Variants in LARS2 observed in about 807,000 individuals in gnomAD.
LARS2 encodes leucine--tRNA ligase, mitochondrial.
LARS2 carries 81 observed loss-of-function variants against 116.6 expected under a neutral mutation model. That is an observed-to-expected ratio of 0.69 (90% CI 0.58 to 0.84). LARS2 has a LOEUF of 0.84. Ranked by LOEUF, LARS2 falls within the 40% of genes least tolerant of loss-of-function variation. The probability of loss-of-function intolerance (pLI) is 0.00; values close to 1 mark genes in which losing one functional copy is unlikely to be tolerated. For missense variants in LARS2, 968 were observed against 1,114.5 expected (o/e 0.87, Z 1.87); for synonymous variants, 396 against 407.2 (o/e 0.97, Z 0.33).
At chr3:45,494,014 A>C (rs1247742620) in intron 13 of LARS2, among the ~76,000 whole-genome samples, 2 of 152,172 alleles carry the variant, frequency 1.3e-5, no homozygotes, top group African/African-American at 4.8e-5. Flanking sequence ...TTGCTCTCCA[A>C]ATAAAAAGAC....
chr3:45,507,215 A>G (rs936015563), intron 15 of LARS2, among the ~76,000 whole-genome samples: 1 of 151,826 alleles, frequency 6.6e-6, no homozygotes, highest in Non-Finnish European at 1.5e-5. Flanking sequence ...TGGGCAACAC[A>G]GCAAGACCCC....
At chr3:45,394,901 T>G (rs1698018006) in intron 3 of LARS2, among the ~76,000 whole-genome samples, 2 of 152,114 alleles carry the variant, frequency 1.3e-5, no homozygotes, top group African/African-American at 2.4e-5. Flanking sequence ...TTGGGAGGCA[T>G]AAATGAGGTG....
chr3:45,488,029 C>G (rs1699845256), intron 11 of LARS2, among the ~76,000 whole-genome samples: 1 of 152,036 alleles, frequency 6.6e-6, no homozygotes, highest in Non-Finnish European at 1.5e-5. Context: ...TGAGAGAACC[C>G]CACTGCCCTC....
In LARS2 at chr3:45,394,473, G is replaced by A; in HGVS notation, c.20G>A (p.Arg7Lys). The A allele has an allele frequency of 6.2e-7, 1 of 1,614,082 alleles. No individual in the cohort carries two copies. The highest frequency in any genetic ancestry group is 8.5e-7 in the Non-Finnish European group (1 of 1,179,936). ...TGAAGAATGGCTTCTGTTTGGCAGA[G>A]ATTGGGTTTTTATGCCTCTCTTCTG... is the stretch of plus-strand genomic sequence containing the variant. MASVWQ[R>K]LGFYASLLKR... Residue 7 changes from arginine to lysine, a missense_variant, in exon 3 of 22, where the codon AGA becomes AAA. By Grantham distance (26) the Arg-to-Lys change is conservative. Coordinates refer to ENST00000645846, the MANE Select transcript of LARS2 (RefSeq NM_015340.4).
chr3:45,542,961 G>A (rs929387776), intron 21 of LARS2, among the ~76,000 whole-genome samples: 3 of 152,270 alleles, frequency 2.0e-5, no homozygotes. Context: ...CCTAGGGGCT[G>A]AGGGAGGGCA....
chr3:45,415,627 C>G (rs1214913157), intron 4 of LARS2, among the ~76,000 whole-genome samples: 1 of 152,022 alleles, frequency 6.6e-6, no homozygotes, highest in Non-Finnish European at 1.5e-5. Context: ...GCAGGCAGAT[C>G]ACTTGAGGCC....
At chr3:45,420,551 C>T (rs1222132324) in intron 6 of LARS2, among the ~76,000 whole-genome samples, 1 of 152,206 alleles carries the variant, frequency 6.6e-6, no homozygotes, top group Non-Finnish European at 1.5e-5. Flanking sequence ...CTCCCCCCAA[C>T]AATTTCTTAA....
intron 7 of LARS2, among the ~76,000 whole-genome samples, chr3:45,455,072 C>G (rs1447635925): frequency 6.6e-6 from 1 of 151,628 alleles, no homozygotes; most frequent in African/African-American, 2.4e-5. Flanking sequence ...TTGGTGTTTT[C>G]CCCCTTCCCC....
chr3:45,462,803 T>G (rs1466317154), intron 8 of LARS2, among the ~76,000 whole-genome samples: 1 of 152,214 alleles, frequency 6.6e-6, no homozygotes, highest in South Asian at 2.1e-4. Context: ...TTTCATTCAC[T>G]TAACTTCCTA....
chr3:45,427,660 A>C (rs1019617619), intron 6 of LARS2, among the ~76,000 whole-genome samples: 2 of 152,180 alleles, frequency 1.3e-5, no homozygotes, highest in African/African-American at 4.8e-5. Flanking sequence ...TTAATACATT[A>C]TAGTAATGTA....
chr3:45,394,463 G>C lies in LARS2; in HGVS notation c.10G>C (p.Val4Leu), dbSNP rs760845178. ...TCTCACCTTCTGAAGAATGGCTTCT[G>C]TTTGGCAGAGATTGGGTTTTTATGC... is the stretch of plus-strand genomic sequence containing the variant. MAS[V>L]WQRLGFYASL... The change falls in exon 3 of 22, where the codon GTT (valine) becomes CTT (leucine). Residue 4 changes from valine to leucine, a missense_variant. Transcript: ENST00000645846. 2 of 1,613,986 alleles carry C rather than the reference G, an allele frequency of 1.2e-6. No homozygotes were observed. The highest frequency in any genetic ancestry group is 1.7e-6 in the Non-Finnish European group (2 of 1,179,862).
At chr3:45,539,257 C>T (rs1053320113) in intron 20 of LARS2, among the ~76,000 whole-genome samples, 10 of 151,492 alleles carry the variant, frequency 6.6e-5, no homozygotes, top group South Asian at 2.1e-4. Flanking sequence ...TCTCACAGGA[C>T]GAAAAAATGT....
chr3:45,466,039 T>C (rs1335551662), intron 8 of LARS2, among the ~76,000 whole-genome samples: 11 of 152,216 alleles, frequency 7.2e-5, no homozygotes, highest in African/African-American at 2.4e-5. Context: ...GTTTCCAAGA[T>C]GGAATGACTG....
chr3:45,429,718 T>TTTTTTTTTC (rs1272652354), intron 6 of LARS2, among the ~76,000 whole-genome samples: 1 of 150,198 alleles, frequency 6.7e-6, no homozygotes, highest in African/African-American at 2.5e-5. Context: ...TTTTTTTTTT[T>TTTTTTTTTC]TGAGATAGGG....
intron 20 of LARS2, among the ~76,000 whole-genome samples, chr3:45,532,565 A>AGCTTTTTCTCAATATGCATT (rs1163968152): frequency 6.6e-6 from 1 of 152,192 alleles, no homozygotes; most frequent in East Asian, 1.9e-4. Flanking sequence ...TACTAAGACT[A>AGCTTTTTCTCAATATGCATT]GCTTTTTCTC....
Position 45,422,849 on chromosome 3 carries a change from T to C in LARS2, c.516+3120T>C, listed in dbSNP as rs568821261. On this transcript the variant is annotated intron_variant, in intron 6 of 21. Transcript: ENST00000645846. ...GTACATCATTTATAGATACAATTAA[T>C]TGAAAAAATTAAAAGGTGGGCAAAT... 4.6e-5 allele frequency among the ~76,000 whole-genome samples: 7 copies of C among 152,320 alleles called. No homozygotes were observed. The South Asian group carries it at 1.0e-3, about 23-fold the overall frequency.
chr3:45,472,504 A>G (rs1699543956), intron 8 of LARS2, among the ~76,000 whole-genome samples: 1 of 152,204 alleles, frequency 6.6e-6, no homozygotes, highest in Non-Finnish European at 1.5e-5. Flanking sequence ...GATTCTGATG[A>G]CAATGTCAGC....
In LARS2 at chr3:45,402,545, A is replaced by G. The variant is rs140193855; in HGVS notation, c.363+2172A>G. On this transcript the variant is annotated intron_variant, in intron 4 of 21. Transcript: ENST00000645846. ...TATCTGCTGCCTCTCAGTTCTTTCT[A>G]TTTTATTTTAGCAAGGTAAGTACAT... Among the ~76,000 whole-genome samples the G allele has an allele frequency of 3.5e-3, 540 of 152,234 alleles. 3 individuals are homozygous for G. Among genetic ancestry groups the G allele is most frequent in the African/African-American group, 0.012 (499 of 41,542 alleles).
intron 20 of LARS2, among the ~76,000 whole-genome samples, chr3:45,531,801 C>T (rs968807638): frequency 1.3e-5 from 2 of 152,188 alleles, no homozygotes; most frequent in Non-Finnish European, 1.5e-5. Flanking sequence ...TTAGCATATC[C>T]ATCACCTCAC....
Sources: allele counts gnomAD v4.1 joint callset (sites outside exome capture counted in the v4.1 genomes callset), GRCh38; gene constraint gnomAD v4.1.1; transcripts MANE v1.5; gene names NCBI Gene and HGNC (gene_info 2026-07-23, HGNC 2026-07-21).